The following CCDC88C variants were observed in gnomAD, a reference collection of about 807,000 sequenced individuals.
The protein encoded by CCDC88C is coiled-coil and HOOK domain protein 88C, also known as protein Daple.
CCDC88C carries 131 observed loss-of-function variants against 198.8 expected under a neutral mutation model. The observed-to-expected ratio is 0.66, with a 90% CI of 0.57 to 0.76. The LOEUF (loss-of-function observed/expected upper bound fraction) is 0.76, where lower values mean the gene tolerates loss of function less well. Among genes scored for constraint, CCDC88C ranks in the 30% least tolerant of loss-of-function variants. The probability of loss-of-function intolerance (pLI) is 0.00; values close to 1 mark genes in which losing one functional copy is unlikely to be tolerated. For missense variants in CCDC88C, 2,553 were observed against 2,631.6 expected (o/e 0.97, Z 0.65); for synonymous variants, 1,166 against 1,114.7 (o/e 1.05, Z -0.92).
chr14:91,299,092 G>C (rs921604736), intron 21 of CCDC88C, among the ~76,000 whole-genome samples: 3 of 152,218 alleles, frequency 2.0e-5, no homozygotes, highest in African/African-American at 7.2e-5. Context: ...AAAAAATATA[G>C]AATTAGGTTC....
chr14:91,320,024 C>CAAAAAAAAA (rs61102058), intron 13 of CCDC88C, among the ~76,000 whole-genome samples: 5 of 24,154 alleles, frequency 2.1e-4, no homozygotes, highest in African/African-American at 4.2e-4. Context: ...AACTCAGTCT[C>CAAAAAAAAA]AAAAAAAAAA....
At chr14:91,417,264 T>C (rs1029592835) in intron 1 of CCDC88C, 4 of 695,170 alleles carry the variant, frequency 5.8e-6, no homozygotes, top group African/African-American at 1.8e-5. Context: ...AGATATTTGG[T>C]TGGGAAGAAT....
At chr14:91,336,281 G>A (rs781576551) in intron 10 of CCDC88C, among the ~76,000 whole-genome samples, 8 of 152,194 alleles carry the variant, frequency 5.3e-5, no homozygotes, top group African/African-American at 9.7e-5. Context: ...CCATGCAGGC[G>A]GGTGCTGGGC....
intron 3 of CCDC88C, among the ~76,000 whole-genome samples, chr14:91,392,755 C>A (rs1885585749): frequency 6.6e-6 from 1 of 151,416 alleles, no homozygotes; most frequent in African/African-American, 2.4e-5. Flanking sequence ...CCACGCCCCT[C>A]ACTCTCACCG....
At chr14:91,306,402 C>T (rs1294213198) in intron 18 of CCDC88C, among the ~76,000 whole-genome samples, 1 of 152,212 alleles carries the variant, frequency 6.6e-6, no homozygotes, top group Non-Finnish European at 1.5e-5. Context: ...TAAAGTTTGC[C>T]ACCAACTGGG....
chr14:91,283,697 G>A, intron 25 of CCDC88C, 180 bp from the exon 26 acceptor site: 1 of 621,482 alleles, frequency 1.6e-6, no homozygotes, highest in Admixed American at 2.9e-5. Flanking sequence ...GGGGGCAAGA[G>A]GGCTTGGCTT....
At chr14:91,276,687 G>A in intron 29 of CCDC88C, among the ~76,000 whole-genome samples, 1 of 152,240 alleles carries the variant, frequency 6.6e-6, no homozygotes, top group East Asian at 1.9e-4. Context: ...TAAGGGGAAT[G>A]AGATGGAAAG....
intron 3 of CCDC88C, chr14:91,408,098 C>A: frequency 6.6e-6 from 1 of 152,624 alleles, no homozygotes; most frequent in Non-Finnish European, 1.5e-5. Flanking sequence ...AAGAGCAAAT[C>A]CCCATCAGGC....
At chr14:91,333,650 A>AT (rs547937307) in intron 10 of CCDC88C, among the ~76,000 whole-genome samples, 57 of 152,340 alleles carry the variant, frequency 3.7e-4, no homozygotes, top group South Asian at 1.2e-3. Context: ...TATAACGCAC[A>AT]TATTAGTTTT....
At chr14:91,351,352 G>A (rs1893782987) in intron 4 of CCDC88C, among the ~76,000 whole-genome samples, 1 of 152,062 alleles carries the variant, frequency 6.6e-6, no homozygotes, top group Non-Finnish European at 1.5e-5. Flanking sequence ...CTCAGTACAC[G>A]GGCACACCCC....
At position 91,294,266 on chromosome 14, in the gene CCDC88C, C is replaced by T; in HGVS notation, c.4019G>A (p.Ser1340Asn). The T allele has an allele frequency of 6.2e-7, 1 of 1,614,014 alleles. No individual in the cohort carries two copies. The highest frequency in any genetic ancestry group is 8.5e-7 in the Non-Finnish European group (1 of 1,179,866). The change falls in exon 23 of 30, where the codon AGC (serine) becomes AAC (asparagine). Residue 1340 changes from serine to asparagine, a missense_variant. Transcript: ENST00000389857. Reference sequence around the variant, plus strand: ...CTGCTGGCTCAACAGCTGGATCTGGCTCAGGAGGTGATGATTTTCTTCCTC... The same window carrying T: ...CTGCTGGCTCAACAGCTGGATCTGGTTCAGGAGGTGATGATTTTCTTCCTC... ...NLEEENHHLL[S>N]QIQLLSQQNQ... is the part of the protein sequence containing the mutation.
chr14:91,310,139 C>T (rs1401144216), intron 15 of CCDC88C, among the ~76,000 whole-genome samples, 153 bp from the exon 16 acceptor site: 1 of 152,148 alleles, frequency 6.6e-6, no homozygotes, highest in South Asian at 2.1e-4. Flanking sequence ...GGATGCTCTT[C>T]CCGAGGAAAG....
At chr14:91,314,269 A>G in intron 14 of CCDC88C, 119 bp from the exon 15 acceptor site, 1 of 780,178 alleles carries the variant, frequency 1.3e-6, no homozygotes, top group South Asian at 1.8e-5. Context: ...CTGTGCTCAG[A>G]CACTGCCTGT....
rs1327537184 is a variant in CCDC88C, at chr14:91,313,474, T to C, written c.2342A>G (p.Lys781Arg). 2.5e-6 allele frequency: 4 copies of C among 1,607,394 alleles called. No homozygotes were observed. The East Asian group carries it at 6.7e-5, about 27-fold the overall frequency. ...CAGCTCACTCTCCAAGGTCTGCGTC[T>C]TGTGGCTGCTGCTCTCCAGGCTCTG... Reference protein sequence around the residue: ...LQQSLESSSHKTQTLESELGE... With the variant: ...LQQSLESSSHRTQTLESELGE... Residue 781 changes from lysine to arginine, a missense_variant, in exon 15 of 30, where the codon AAG (lysine) becomes AGG (arginine). Physicochemically the swap from Lys to Arg is conservative, Grantham distance 26. Coordinates refer to ENST00000389857, the MANE Select transcript of CCDC88C (RefSeq NM_001080414.4). The surrounding 1 kb of genome is among the most constrained non-coding windows in gnomAD (Gnocchi z 5.2).
At chr14:91,320,867 A>G (rs1190385052) in intron 13 of CCDC88C, among the ~76,000 whole-genome samples, 1 of 152,200 alleles carries the variant, frequency 6.6e-6, no homozygotes, top group African/African-American at 2.4e-5. Context: ...GAGGCACAAG[A>G]AAGTCACATG....
chr14:91,358,484 C>A (rs942882608), intron 4 of CCDC88C, among the ~76,000 whole-genome samples: 1 of 152,186 alleles, frequency 6.6e-6, no homozygotes, highest in African/African-American at 2.4e-5. Context: ...TCCTAGCCAG[C>A]GAGTAACTCT....
At chr14:91,315,510 A>G in intron 14 of CCDC88C, 140 bp downstream of exon 14, 1 of 955,602 alleles carries the variant, frequency 1.0e-6, no homozygotes, top group Non-Finnish European at 1.5e-6. Context: ...GAAATTGAGA[A>G]TTGCTGATTT....
chr14:91,343,207 C>T (rs1893377908), intron 5 of CCDC88C, among the ~76,000 whole-genome samples: 1 of 152,230 alleles, frequency 6.6e-6, no homozygotes, highest in Non-Finnish European at 1.5e-5. Flanking sequence ...CCTCCCCCAC[C>T]TCAGCCTCCC....
At chr14:91,318,188 G>C (rs772528095) in intron 13 of CCDC88C, among the ~76,000 whole-genome samples, 2 of 152,094 alleles carry the variant, frequency 1.3e-5, no homozygotes, top group African/African-American at 2.4e-5. Context: ...GGGAGGCTGA[G>C]ACCGAAGGAC....
Sources: gnomAD v4.1 joint callset for allele counts (sites outside exome capture counted in the v4.1 genomes callset) on GRCh38, gnomAD v4.1.1 for gene constraint, Gnocchi (gnomAD v3.1) non-coding constraint, MANE v1.5 for transcripts, NCBI Gene and HGNC (gene_info 2026-07-23, HGNC 2026-07-21) for gene names.